The following MAGI3 variants were observed in gnomAD, a reference collection of about 807,000 sequenced individuals.
The protein encoded by MAGI3 is membrane associated guanylate kinase, WW and PDZ domain containing 3, also known as membrane-associated guanylate kinase, WW and PDZ domain-containing protein 3.
In MAGI3, 43 loss-of-function variants were observed where a neutral mutation model predicts 121.8. The observed-to-expected ratio is 0.35, with a 90% confidence interval of 0.28 to 0.46. The LOEUF is 0.46. Among genes scored for constraint, MAGI3 ranks in the 20% least tolerant of loss-of-function variants. The probability of loss-of-function intolerance (pLI) is 1.00; values close to 1 mark genes in which losing one functional copy is unlikely to be tolerated. For synonymous variants in MAGI3, 553 were observed against 639.3 expected, an observed-to-expected ratio of 0.86 and a Z score of 2.04; for missense variants, 1,547 against 1,797.3, an observed-to-expected ratio of 0.86 and a Z score of 2.52.
intron 1 of MAGI3, among the ~76,000 whole-genome samples, chr1:113,538,202 T>C (rs903218374): frequency 1.3e-5 from 2 of 152,246 alleles, no homozygotes; most frequent in African/African-American, 2.4e-5. Flanking sequence ...CTTTTTTGGG[T>C]CAATATTCCC....
chr1:113,592,787 C>T (rs965287055), intron 5 of MAGI3, among the ~76,000 whole-genome samples: 1 of 151,798 alleles, frequency 6.6e-6, no homozygotes, highest in South Asian at 2.1e-4. Flanking sequence ...CCGAGGCAGG[C>T]GGATTATGAG....
chr1:113,489,284 G>A (rs186208821), intron 1 of MAGI3, among the ~76,000 whole-genome samples: 34 of 152,008 alleles, frequency 2.2e-4, no homozygotes, highest in Non-Finnish European at 1.3e-4. Flanking sequence ...GCTGAGCAGT[G>A]GCCCTCTAAC....
intron 1 of MAGI3, among the ~76,000 whole-genome samples, chr1:113,399,786 T>C (rs1651305176): frequency 6.6e-6 from 1 of 152,140 alleles, no homozygotes; most frequent in East Asian, 1.9e-4. Context: ...GTCTTTGGCA[T>C]TGAGAAAAAT....
At chr1:113,421,621 G>T (rs1201418884) in intron 1 of MAGI3, among the ~76,000 whole-genome samples, 1 of 152,090 alleles carries the variant, frequency 6.6e-6, no homozygotes, top group Non-Finnish European at 1.5e-5. Flanking sequence ...CCTTTCTTCA[G>T]TATTTTAATA....
rs764000759 is a variant in MAGI3, at chr1:113,685,518, A to C, written c.*1504A>C. 1 of 152,356 alleles carries C rather than the reference A, an allele frequency of 6.6e-6. No individual in the cohort carries two copies. The highest frequency in any genetic ancestry group is 1.9e-4 in the East Asian group (1 of 5,332). 9.4% of individuals were successfully genotyped at this position (152,356 alleles called of 1,614,324 possible). ...TAGATAAGACATGCTTCCCAGAGTG[A>C]GATTTTTGAAATCCCCTTTTCATCC... On this transcript the variant is annotated 3_prime_UTR_variant, in exon 21 of 21. Transcript: ENST00000307546.
At chr1:113,471,226 C>A (rs1216844703) in intron 1 of MAGI3, among the ~76,000 whole-genome samples, 3 of 152,104 alleles carry the variant, frequency 2.0e-5, no homozygotes, top group Admixed American at 1.3e-4. Context: ...TGTGTTAGGG[C>A]ACAAAACAAG....
chr1:113,630,774 ACC>A (rs1651575912), intron 9 of MAGI3, among the ~76,000 whole-genome samples: 3 of 151,776 alleles, frequency 2.0e-5, no homozygotes, highest in African/African-American at 7.3e-5. Context: ...ATTTCTCCAT[ACC>A]AGGTGGCTGC....
intron 1 of MAGI3, among the ~76,000 whole-genome samples, chr1:113,521,406 G>GT (rs1189784089): frequency 1.9e-4 from 22 of 116,734 alleles, no homozygotes; most frequent in South Asian, 2.8e-4. Flanking sequence ...GTTTTTTTTT[G>GT]TTTTTTGTTT....
intron 7 of MAGI3, 76 bp downstream of exon 7, chr1:113,614,734 A>G (rs1055274206): frequency 1.0e-6 from 1 of 981,628 alleles, no homozygotes; most frequent in Non-Finnish European, 1.5e-6. Flanking sequence ...TACTGGATAC[A>G]GCACTTTATG....
At chr1:113,577,425 A>G (rs1297062834) in intron 2 of MAGI3, among the ~76,000 whole-genome samples, 1 of 151,902 alleles carries the variant, frequency 6.6e-6, no homozygotes, top group African/African-American at 2.4e-5. Flanking sequence ...GCTCCAAAGA[A>G]CTCTTCGGAG....
At chr1:113,609,129 C>G (rs924097744) in intron 6 of MAGI3, among the ~76,000 whole-genome samples, 1 of 152,250 alleles carries the variant, frequency 6.6e-6, no homozygotes, top group Admixed American at 6.5e-5. Context: ...GCTCAGCCAG[C>G]CTTTTCCACT....
At chr1:113,482,597 A>T (rs1243895868) in intron 1 of MAGI3, among the ~76,000 whole-genome samples, 1 of 150,132 alleles carries the variant, frequency 6.7e-6, no homozygotes, top group Non-Finnish European at 1.5e-5. Context: ...TCAGCCTTCC[A>T]AAGTGCTGGG....
chr1:113,672,886 G>T, intron 18 of MAGI3, 145 bp downstream of exon 18: 2 of 1,103,144 alleles, frequency 1.8e-6, no homozygotes, highest in African/African-American at 1.6e-5. Context: ...TTGGCATTCT[G>T]CTGGCATTCA....
At chr1:113,660,179 A>G (rs1221210074) in intron 16 of MAGI3, among the ~76,000 whole-genome samples, 1 of 152,168 alleles carries the variant, frequency 6.6e-6, no homozygotes, top group South Asian at 2.1e-4. Flanking sequence ...TTATTTCTGC[A>G]TGGACATGAA....
chr1:113,480,244 T>G (rs1656045250), intron 1 of MAGI3, among the ~76,000 whole-genome samples: 4 of 152,178 alleles, frequency 2.6e-5, no homozygotes, highest in Admixed American at 2.6e-4. Flanking sequence ...CTGACTAGCT[T>G]TGGCAGGGAA....
intron 1 of MAGI3, among the ~76,000 whole-genome samples, chr1:113,453,654 T>A (rs1277788283): frequency 6.6e-6 from 1 of 152,212 alleles, no homozygotes; most frequent in Non-Finnish European, 1.5e-5. Flanking sequence ...AAACAGGAAA[T>A]GTAGAGCTAG....
At chr1:113,463,304 AAG>A (rs1655120118) in intron 1 of MAGI3, among the ~76,000 whole-genome samples, 1 of 151,294 alleles carries the variant, frequency 6.6e-6, no homozygotes, top group South Asian at 2.1e-4. Context: ...TCACCCAGGA[AAG>A]AGAGGATAAA....
intron 10 of MAGI3, 109 bp downstream of exon 10, chr1:113,642,625 A>G (rs1652612882): frequency 2.5e-6 from 3 of 1,178,984 alleles, no homozygotes; most frequent in African/African-American, 3.1e-5. Context: ...TTAACTAGTA[A>G]TTAGTGTGCA....
chr1:113,638,863 C>G (rs1570980174), intron 9 of MAGI3, among the ~76,000 whole-genome samples: 1 of 152,182 alleles, frequency 6.6e-6, no homozygotes, highest in Non-Finnish European at 1.5e-5. Context: ...AGGCAGGCCT[C>G]CTTGAGCTGT....
Sources: allele counts gnomAD v4.1 joint callset (sites outside exome capture counted in the v4.1 genomes callset), GRCh38; gene constraint gnomAD v4.1.1; transcripts MANE v1.5; gene names NCBI Gene and HGNC (gene_info 2026-07-23, HGNC 2026-07-21).